The following RESF1 variants were observed in gnomAD, a reference collection of about 807,000 sequenced individuals.
The protein encoded by RESF1 is gonad expressed transcript.
Under a neutral mutation model 134.7 loss-of-function variants are expected in RESF1, and 65 were observed. The ratio of observed to expected loss-of-function variants is 0.48; its 90% CI spans 0.40 to 0.59. The LOEUF (loss-of-function observed/expected upper bound fraction) is 0.59. RESF1 is among the 20% of genes least tolerant of loss of function. RESF1 has a pLI of 0.00. For missense variants in RESF1, 2,274 were observed against 2,002.7 expected, an observed-to-expected ratio of 1.14 and a Z score of -2.59; for synonymous variants, 762 against 702.2, an observed-to-expected ratio of 1.09 and a Z score of -1.35.
In RESF1 at chr12:31,985,585, C is replaced by A. The variant is rs1939953005; in HGVS notation, c.4630C>A (p.Gln1544Lys). The A allele has an allele frequency of 1.2e-6, 2 of 1,602,294 alleles. No individual in the cohort carries two copies. Among genetic ancestry groups the A allele is most frequent in the African/African-American group, 1.3e-5 (1 of 74,112 alleles). The change falls in exon 4 of 6, where the codon CAG becomes AAG. Residue 1544 changes from glutamine (Q) to lysine (K), a missense_variant. By Grantham distance (53) the Gln-to-Lys change is moderately conservative (BLOSUM62 1). Transcript: ENST00000312561. ...TGTTAAAGAAAAAGTTGGTGGGAAG[C>A]AGCCTGATAAAATATGGATTGATAA... is the stretch of plus-strand genomic sequence containing the variant. ...RNVKEKVGGK[Q>K]PDKIWIDKTK... is the part of the protein sequence containing the mutation.
chr12:31,992,624 G>T lies in RESF1; in HGVS notation c.*89G>T. ...CGCTGAAACTAATGAGAAATGCCAT[G>T]ATAAAGATTTCTCAGAGTTTGGTTC... On this transcript the variant is annotated 3_prime_UTR_variant, in exon 6 of 6. Coordinates refer to ENST00000312561, the MANE Select transcript of RESF1 (RefSeq NM_018169.4). 7.9e-7 allele frequency: 1 copy of T among 1,273,226 alleles called. No individual in the cohort carries two copies. The highest frequency in any genetic ancestry group is 1.1e-6 in the Non-Finnish European group (1 of 891,498). The allele number at this position is 1,273,226 out of a possible 1,614,324, so 78.9% of individuals were successfully genotyped here. A position where few individuals can be genotyped will look rare whatever the true frequency, so the allele number is the denominator to read the frequency against.
chr12:31,986,028 C>T, intron 4 of RESF1, 71 bp downstream of exon 4: 1 of 995,752 alleles, frequency 1.0e-6, no homozygotes. Flanking sequence ...GGGCTAGCAC[C>T]TCTCATGCTG....
Position 31,984,727 on chromosome 12 carries a change from G to T in RESF1, c.3772G>T (p.Asp1258Tyr), listed in dbSNP as rs1240889371. 2 of 1,606,464 alleles carry T rather than the reference G, an allele frequency of 1.2e-6. No individual in the cohort carries two copies. Among genetic ancestry groups the T allele is most frequent in the Admixed American group, 1.7e-5 (1 of 57,774 alleles). Residue 1258 changes from aspartate to tyrosine, a missense_variant, in exon 4 of 6, where the codon GAT (aspartate) becomes TAT (tyrosine). Coordinates refer to ENST00000312561, the MANE Select transcript of RESF1 (RefSeq NM_018169.4). ...TGAACTACAAGACGACAGTAGAAAA[G>T]ATACACCCAAAACAAAACATAAAAG... is the stretch of plus-strand genomic sequence containing the variant. Reference protein sequence around the residue: ...FPELQDDSRKDTPKTKHKSLP... With the variant: ...FPELQDDSRKYTPKTKHKSLP...
intron 2 of RESF1, among the ~76,000 whole-genome samples, chr12:31,961,560 A>G (rs1011217695): frequency 2.0e-5 from 3 of 152,240 alleles, no homozygotes; most frequent in African/African-American, 7.2e-5. Flanking sequence ...TGTTAGAGGA[A>G]ATAGATTTTG....
intron 3 of RESF1, among the ~76,000 whole-genome samples, chr12:31,976,655 T>C (rs557257173): frequency 6.6e-6 from 1 of 152,040 alleles, no homozygotes; most frequent in Admixed American, 6.5e-5. Context: ...TGCACTCCAG[T>C]CTGGGTGACA....
intron 3 of RESF1, among the ~76,000 whole-genome samples, chr12:31,972,831 T>A (rs1232567615): frequency 6.6e-6 from 1 of 152,220 alleles, no homozygotes; most frequent in Non-Finnish European, 1.5e-5. Context: ...CAGAATTGTT[T>A]ATATAAAAAT....
intron 3 of RESF1, among the ~76,000 whole-genome samples, chr12:31,974,254 C>G (rs1333239393): frequency 6.6e-6 from 1 of 151,680 alleles, no homozygotes; most frequent in African/African-American, 2.4e-5. Context: ...TGTCAGGAAC[C>G]GGGTTCAAAG....
At chr12:31,965,251 C>T (rs990079836) in intron 2 of RESF1, among the ~76,000 whole-genome samples, 2 of 152,142 alleles carry the variant, frequency 1.3e-5, no homozygotes, top group African/African-American at 4.8e-5. Context: ...GCCACTGCTC[C>T]CTGCCGGCTA....
intron 5 of RESF1, among the ~76,000 whole-genome samples, chr12:31,989,067 CT>C (rs748385183): frequency 6.6e-5 from 10 of 151,840 alleles, no homozygotes; most frequent in Non-Finnish European, 1.5e-4. Flanking sequence ...AAAGCTAGAG[CT>C]CAAGAGTTTT....
rs778373223 is a variant in RESF1, at chr12:31,984,816, T to C, written c.3861T>C (p.Asn1287=). 2 of 1,607,012 alleles carry C rather than the reference T, an allele frequency of 1.2e-6. No homozygotes were observed. The highest frequency in any genetic ancestry group is 2.2e-5 in the East Asian group (1 of 44,838). The change falls in exon 4 of 6, where the codon AAT becomes AAC. Residue 1287 remains asparagine (N), a synonymous_variant. Transcript: ENST00000312561. ...GQFSSKCDKL[N]PLQNHKRKKL... is the part of the protein sequence containing the mutation. ...TTTCATCTAAATGTGATAAACTAAA[T>C]CCCTTGCAAAATCACAAAAGAAAAA...
chr12:31,987,389 G>A, intron 5 of RESF1, 67 bp downstream of exon 5: 2 of 875,764 alleles, frequency 2.3e-6, no homozygotes, highest in Non-Finnish European at 3.7e-6. Flanking sequence ...TTGGATTATG[G>A]TTATGATATG....
intron 5 of RESF1, among the ~76,000 whole-genome samples, chr12:31,990,625 GA>G (rs1261273957): frequency 6.6e-6 from 1 of 152,072 alleles, no homozygotes; most frequent in Non-Finnish European, 1.5e-5. Context: ...ATTTTTAGCA[GA>G]GACAGAGTTT....
In RESF1 at chr12:31,984,952, C is replaced by T; in HGVS notation, c.3997C>T (p.Pro1333Ser). ...GAAACATGTAACACAGAACTCACGT[C>T]CACTAAAAACAAAAACAGCTTTTTT... ...QKKHVTQNSR[P>S]LKTKTAFLPN... The change falls in exon 4 of 6, where the codon CCA becomes TCA. Residue 1333 changes from proline (P) to serine (S), a missense_variant. Physicochemically the swap from Pro to Ser is moderately conservative, Grantham distance 74. Coordinates refer to ENST00000312561, the MANE Select transcript of RESF1 (RefSeq NM_018169.4). 1 of 1,613,244 alleles carries T rather than the reference C, an allele frequency of 6.2e-7. No homozygotes were observed. The highest frequency in any genetic ancestry group is 1.3e-5 in the African/African-American group (1 of 75,014).
chr12:31,982,846 A>G lies in RESF1; in HGVS notation c.1891A>G (p.Asn631Asp), dbSNP rs111936856. The change falls in exon 4 of 6, where the codon AAC becomes GAC. Residue 631 changes from asparagine to aspartate, a missense_variant. Transcript: ENST00000312561. ...QMTGNQLNLK[N>D]METPSTSNVS... ...GACTGGTAACCAACTGAATTTGAAG[A>G]ACATGGAAACTCCAAGTACTTCTAA... 1.2e-6 allele frequency: 2 copies of G among 1,614,092 alleles called. No homozygotes were observed. The highest frequency in any genetic ancestry group is 1.6e-4 in the Middle Eastern group (1 of 6,062).
At chr12:31,975,703 CTG>C (rs760226485) in intron 3 of RESF1, among the ~76,000 whole-genome samples, 33 of 152,138 alleles carry the variant, frequency 2.2e-4, no homozygotes, top group Non-Finnish European at 4.0e-4. Flanking sequence ...TTGGTTTTGT[CTG>C]TGTTTCAATC....
At chr12:31,969,119 T>C (rs1939457275) in intron 2 of RESF1, among the ~76,000 whole-genome samples, 1 of 152,184 alleles carries the variant, frequency 6.6e-6, no homozygotes, top group South Asian at 2.1e-4. Context: ...GTTTCTATTT[T>C]TATTTTTATT....
chr12:31,982,731 T>C lies in RESF1; in HGVS notation c.1776T>C (p.Arg592=), dbSNP rs1289724304. The part of the protein sequence containing the change: ...MLLLALLSQA[R]KTQKTVLKDA... ...TTCTCGCTTTGCTTTCACAGGCACG[T>C]AAGACTCAGAAGACAGTATTAAAAG... Residue 592 remains arginine, a synonymous_variant, in exon 4 of 6, where the codon CGT becomes CGC. Transcript: ENST00000312561. The C allele has an allele frequency of 3.7e-6, 6 of 1,613,924 alleles. No homozygotes were observed. The East Asian group carries it at 6.7e-5, about 18-fold the overall frequency.
Position 31,984,118 on chromosome 12 carries a change from C to G in RESF1, c.3163C>G (p.Leu1055Val). ...ACCTGTCTTATACCTACATGACCAG[C>G]TGTCAGAACTTCTAAAAGAGTTTCC... ...KAPVLYLHDQ[L>V]SELLKEFPYG... Residue 1055 changes from leucine to valine, a missense_variant, in exon 4 of 6, where the codon CTG becomes GTG. Physicochemically the swap from Leu to Val is conservative, Grantham distance 32. Transcript: ENST00000312561. 1 of 1,612,784 alleles carries G rather than the reference C, an allele frequency of 6.2e-7. No individual in the cohort carries two copies. The highest frequency in any genetic ancestry group is 8.5e-7 in the Non-Finnish European group (1 of 1,179,620).
intron 3 of RESF1, among the ~76,000 whole-genome samples, chr12:31,976,471 G>C (rs1939635573): frequency 6.6e-6 from 1 of 152,110 alleles, no homozygotes; most frequent in Non-Finnish European, 1.5e-5. Context: ...GGATCACAAG[G>C]TCAGGAGTTC....
Sources: allele counts gnomAD v4.1 joint callset (sites outside exome capture counted in the v4.1 genomes callset), GRCh38; gene constraint gnomAD v4.1.1; transcripts MANE v1.5; gene names NCBI Gene and HGNC (gene_info 2026-07-23, HGNC 2026-07-21).